Variants in LYN observed in about 807,000 individuals in gnomAD.
The protein encoded by LYN is tyrosine-protein kinase Lyn.
In LYN, 12 loss-of-function variants were observed where a neutral mutation model predicts 65.0. That is an observed-to-expected ratio of 0.18 (90% CI 0.12 to 0.30). The LOEUF is 0.30. Ranked by LOEUF, LYN falls within the 10% of genes least tolerant of loss-of-function variation. The pLI, the probability that LYN is intolerant of heterozygous loss-of-function variation, is 1.00. For synonymous variants in LYN, 222 were observed against 221.2 expected (o/e 1.00, Z -0.03); for missense variants, 380 against 623.2 (o/e 0.61, Z 4.16).
intron 1 of LYN, chr8:55,902,698 A>G (rs1805305363): frequency 2.2e-6 from 1 of 456,106 alleles, no homozygotes; most frequent in East Asian, 5.7e-5. Context: ...TTTTTCTTCT[A>G]CATATTTTAC....
intron 1 of LYN, among the ~76,000 whole-genome samples, chr8:55,918,489 C>T (rs1287921010): frequency 6.6e-6 from 1 of 152,222 alleles, no homozygotes; most frequent in African/African-American, 2.4e-5. Flanking sequence ...CCTTCTGCAT[C>T]AACAGGACAA....
chr8:55,963,941 C>A (rs919031810), intron 8 of LYN, among the ~76,000 whole-genome samples: 1 of 151,880 alleles, frequency 6.6e-6, no homozygotes, highest in South Asian at 2.1e-4. Context: ...GGTTTATAAA[C>A]GTTAAAAAAT....
intron 1 of LYN, among the ~76,000 whole-genome samples, chr8:55,885,120 G>A (rs981638952): frequency 2.0e-5 from 3 of 152,202 alleles, no homozygotes; most frequent in African/African-American, 2.4e-5. Flanking sequence ...TGAGCTGACC[G>A]TGTATGGGAA....
intron 12 of LYN, among the ~76,000 whole-genome samples, chr8:56,007,350 G>T (rs1223438079): frequency 1.3e-5 from 2 of 152,204 alleles, no homozygotes; most frequent in East Asian, 3.8e-4. Flanking sequence ...ATATCATTTT[G>T]TGGAGACTAA....
chr8:55,884,204 A>G (rs1018664607), intron 1 of LYN, among the ~76,000 whole-genome samples: 8 of 152,110 alleles, frequency 5.3e-5, no homozygotes, highest in African/African-American at 1.9e-4. Context: ...GGTTCAAGCA[A>G]TCCTCCCTGC....
intron 6 of LYN, among the ~76,000 whole-genome samples, chr8:55,951,570 T>TA (rs1433705289): frequency 1.3e-5 from 2 of 151,262 alleles, no homozygotes; most frequent in African/African-American, 4.9e-5. Flanking sequence ...GAGGTTGGGG[T>TA]AGAAAGATCG....
intron 1 of LYN, among the ~76,000 whole-genome samples, chr8:55,881,936 T>C (rs1383053850): frequency 1.3e-5 from 2 of 152,214 alleles, no homozygotes; most frequent in Non-Finnish European, 2.9e-5. Flanking sequence ...TCCTGTGAGC[T>C]TGCCCTATGC....
At chr8:55,976,465 C>T (rs184679700) in intron 10 of LYN, among the ~76,000 whole-genome samples, 10 of 152,344 alleles carry the variant, frequency 6.6e-5, no homozygotes, top group Admixed American at 6.5e-4. Context: ...CCCCCTCACC[C>T]TCTTGGTGTG....
chr8:55,941,682 A>C (rs940739961), intron 1 of LYN, among the ~76,000 whole-genome samples, 173 bp from the exon 2 acceptor site: 1 of 152,212 alleles, frequency 6.6e-6, no homozygotes, highest in Non-Finnish European at 1.5e-5. Flanking sequence ...TTGTTGAGTG[A>C]ATCAATGGAC....
At chr8:55,933,521 G>A (rs1454064819) in intron 1 of LYN, among the ~76,000 whole-genome samples, 3 of 152,176 alleles carry the variant, frequency 2.0e-5, no homozygotes, top group African/African-American at 4.8e-5. Context: ...ACATTCTAAC[G>A]GAGTTTAATA....
intron 1 of LYN, among the ~76,000 whole-genome samples, chr8:55,920,499 T>C (rs1805914050): frequency 6.6e-6 from 1 of 152,210 alleles, no homozygotes; most frequent in Non-Finnish European, 1.5e-5. Flanking sequence ...ACATATGCTA[T>C]TTCATTTAAT....
chr8:55,919,553 A>G (rs1252686574), intron 1 of LYN, among the ~76,000 whole-genome samples: 1 of 152,160 alleles, frequency 6.6e-6, no homozygotes, highest in Non-Finnish European at 1.5e-5. Flanking sequence ...AGAATCTATA[A>G]TCCTTTTGGT....
intron 8 of LYN, among the ~76,000 whole-genome samples, chr8:55,966,257 A>G (rs1044830512): frequency 4.4e-4 from 67 of 150,862 alleles, no homozygotes; most frequent in African/African-American, 1.6e-3. Context: ...ATTCCTAGAT[A>G]CTTTTCATCT....
chr8:55,985,637 C>T (rs1808054841), intron 10 of LYN, among the ~76,000 whole-genome samples: 1 of 152,186 alleles, frequency 6.6e-6, no homozygotes, highest in Admixed American at 6.5e-5. Flanking sequence ...TATAGCACAG[C>T]TGCCTGCTAT....
At chr8:55,926,594 G>C (rs72651480) in intron 1 of LYN, among the ~76,000 whole-genome samples, 1 of 152,142 alleles carries the variant, frequency 6.6e-6, no homozygotes, top group Non-Finnish European at 1.5e-5. Flanking sequence ...AAGATCTAAT[G>C]AAATTCTATT....
intron 8 of LYN, among the ~76,000 whole-genome samples, chr8:55,962,870 C>T: frequency 6.6e-6 from 1 of 152,114 alleles, no homozygotes; most frequent in East Asian, 1.9e-4. Context: ...AGCTTCCATT[C>T]AAAAAGGAAG....
intron 10 of LYN, among the ~76,000 whole-genome samples, chr8:55,973,765 T>C (rs1465177284): frequency 6.6e-6 from 1 of 152,210 alleles, no homozygotes; most frequent in Non-Finnish European, 1.5e-5. Context: ...AACAATTGTT[T>C]GTGAGTTAAA....
Position 56,006,075 on chromosome 8 carries a change from C to A in LYN, c.1337-3833C>A, listed in dbSNP as rs74607441. On this transcript the variant is annotated intron_variant, in intron 12 of 12. Transcript: ENST00000519728. Reference sequence around the variant, plus strand: ...CTCCAGCCTGGGCAACAGAGTGAGACCCTGTCTCAAAAAAAAGGTGGGGGT... The same window carrying A: ...CTCCAGCCTGGGCAACAGAGTGAGAACCTGTCTCAAAAAAAAGGTGGGGGT... Among the ~76,000 whole-genome samples the A allele has an allele frequency of 8.5e-3, 1,296 of 152,022 alleles. 19 individuals are homozygous for A. The highest frequency in any genetic ancestry group is 0.03 in the African/African-American group (1,225 of 41,460).
chr8:55,958,336 A>C (rs1227551487), intron 8 of LYN, among the ~76,000 whole-genome samples: 3 of 152,242 alleles, frequency 2.0e-5, no homozygotes, highest in Non-Finnish European at 2.9e-5. Flanking sequence ...TTAGAAGAGA[A>C]GAGAATGGAG....
Sources: allele counts gnomAD v4.1 joint callset (sites outside exome capture counted in the v4.1 genomes callset), GRCh38; gene constraint gnomAD v4.1.1; transcripts MANE v1.5; gene names NCBI Gene and HGNC (gene_info 2026-07-23, HGNC 2026-07-21).